Variants in PDSS2 observed in about 807,000 individuals in gnomAD.
PDSS2 encodes decaprenyl diphosphate synthase subunit 2.
A neutral mutation model predicts 44.5 loss-of-function variants in PDSS2; 31 were observed. The ratio of observed to expected loss-of-function variants is 0.70; its 90% CI spans 0.52 to 0.94. The LOEUF (loss-of-function observed/expected upper bound fraction) is 0.94, where lower values mean the gene tolerates loss of function less well. Among genes scored for constraint, PDSS2 ranks in the 40% least tolerant of loss-of-function variants. The probability of loss-of-function intolerance (pLI) is 0.00; values close to 1 mark genes in which losing one functional copy is unlikely to be tolerated. For synonymous variants in PDSS2, 157 were observed against 180.3 expected, an observed-to-expected ratio of 0.87 and a Z score of 1.03; for missense variants, 452 against 482.2, an observed-to-expected ratio of 0.94 and a Z score of 0.59.
chr6:107,214,443 C>A (rs191563499), intron 4 of PDSS2, among the ~76,000 whole-genome samples: 69 of 152,214 alleles, frequency 4.5e-4, no homozygotes, highest in African/African-American at 1.6e-3. Flanking sequence ...TTTATACTTA[C>A]AACACCTCAC....
At chr6:107,182,610 C>T (rs1162815210) in intron 7 of PDSS2, among the ~76,000 whole-genome samples, 1 of 152,192 alleles carries the variant, frequency 6.6e-6, no homozygotes, top group Non-Finnish European at 1.5e-5. Context: ...CAGGCATAAA[C>T]CACCACACCC....
At chr6:107,182,744 GA>G (rs1324178884) in intron 7 of PDSS2, among the ~76,000 whole-genome samples, 3 of 152,018 alleles carry the variant, frequency 2.0e-5, no homozygotes, top group African/African-American at 7.2e-5. Context: ...AAGGAGATAT[GA>G]AATCAAAGCA....
Position 107,315,633 on chromosome 6 carries a change from C to T in PDSS2, c.431+18565G>A, listed in dbSNP as rs912158906. Among the ~76,000 whole-genome samples the T allele has an allele frequency of 3.3e-5, 5 of 152,166 alleles. No homozygotes were observed. In the South Asian group the frequency reaches 8.3e-4, roughly 25 times the overall value. ...GAAAGAAAGAAAGCATATCTCTGTA[C>T]TTGAGAAGCTCATGGCCAGGTCAGT... On this transcript the variant is annotated intron_variant, in intron 2 of 7. Coordinates refer to ENST00000369037, the MANE Select transcript of PDSS2 (RefSeq NM_020381.4).
At chr6:107,299,389 A>C (rs1776622270) in intron 2 of PDSS2, among the ~76,000 whole-genome samples, 1 of 152,158 alleles carries the variant, frequency 6.6e-6, no homozygotes, top group African/African-American at 2.4e-5. Context: ...AAGTTAAAAA[A>C]TGTTTTTAAA....
chr6:107,369,199 C>T (rs1032846440), intron 1 of PDSS2, among the ~76,000 whole-genome samples: 4 of 152,132 alleles, frequency 2.6e-5, no homozygotes, highest in Non-Finnish European at 5.9e-5. Flanking sequence ...GTTGGCAGAT[C>T]ACGAGGTCAG....
chr6:107,183,998 T>TCAAAA (rs10601180), intron 7 of PDSS2, among the ~76,000 whole-genome samples: 81 of 151,350 alleles, frequency 5.4e-4, no homozygotes, highest in African/African-American at 1.7e-3. Context: ...AAACTCTGTC[T>TCAAAA]CAAAACAAAA....
rs1240709102 is a variant in PDSS2 at position 107,368,642 on chromosome 6, T to C, written c.297-34310A>G. Among the ~76,000 whole-genome samples, 4 of 151,942 alleles carry C rather than the reference T, an allele frequency of 2.6e-5. No individual in the cohort carries two copies. The East Asian group carries it at 5.8e-4, about 22-fold the overall frequency. On this transcript the variant is annotated intron_variant, in intron 1 of 7. Transcript: ENST00000369037. ...GGCAAGGCGGGAGGATTGTTTGAGC[T>C]TGGGAGTTCAAGACTAGCCTGGGCA...
chr6:107,333,077 C>G (rs1313427345), intron 2 of PDSS2, among the ~76,000 whole-genome samples: 19 of 151,982 alleles, frequency 1.3e-4, no homozygotes, highest in Non-Finnish European at 1.5e-5. Flanking sequence ...GACAAGACCA[C>G]TAGAAATAAA....
intron 7 of PDSS2, among the ~76,000 whole-genome samples, chr6:107,158,924 TCAC>T (rs1293975332): frequency 6.6e-6 from 1 of 151,976 alleles, no homozygotes; most frequent in Non-Finnish European, 1.5e-5. Flanking sequence ...AGACAGGGTT[TCAC>T]CACATTGGTC....
chr6:107,382,806 C>T (rs1253205440), intron 1 of PDSS2, among the ~76,000 whole-genome samples: 2 of 152,036 alleles, frequency 1.3e-5, no homozygotes, highest in African/African-American at 4.8e-5. Flanking sequence ...CACTGTACCC[C>T]ATCCTGAGTG....
At chr6:107,427,939 G>A (rs1333175240) in intron 1 of PDSS2, among the ~76,000 whole-genome samples, 1 of 152,214 alleles carries the variant, frequency 6.6e-6, no homozygotes, top group Non-Finnish European at 1.5e-5. Flanking sequence ...AGAGACAGCT[G>A]TTTCTGAGAG....
chr6:107,288,753 G>GTTTTT (rs35762837), intron 2 of PDSS2, among the ~76,000 whole-genome samples: 34 of 72,744 alleles, frequency 4.7e-4, no homozygotes, highest in African/African-American at 1.0e-3. Flanking sequence ...GGACGAAATT[G>GTTTTT]TTTTTTTTTT....
chr6:107,260,615 T>C (rs1775180494), intron 3 of PDSS2, among the ~76,000 whole-genome samples: 1 of 151,898 alleles, frequency 6.6e-6, no homozygotes, highest in Admixed American at 6.6e-5. Context: ...TCCCATTTCC[T>C]ACCTTCCAGA....
intron 1 of PDSS2, among the ~76,000 whole-genome samples, chr6:107,409,734 C>T (rs549250582): frequency 1.3e-5 from 2 of 152,194 alleles, no homozygotes; most frequent in Non-Finnish European, 2.9e-5. Flanking sequence ...CACTATCCTA[C>T]GAAATAGGTA....
intron 1 of PDSS2, among the ~76,000 whole-genome samples, chr6:107,405,942 T>A (rs567166016): frequency 6.6e-6 from 1 of 151,528 alleles, no homozygotes. Flanking sequence ...TTACTAGAAA[T>A]GGGTACAATG....
intron 1 of PDSS2, among the ~76,000 whole-genome samples, chr6:107,413,591 A>G (rs1780569201): frequency 6.6e-6 from 1 of 152,186 alleles, no homozygotes; most frequent in African/African-American, 2.4e-5. Context: ...CAGCCTCCCA[A>G]GTAGCTGGGA....
At chr6:107,372,522 A>G (rs980416714) in intron 1 of PDSS2, among the ~76,000 whole-genome samples, 1 of 151,998 alleles carries the variant, frequency 6.6e-6, no homozygotes, top group Non-Finnish European at 1.5e-5. Context: ...CGCGATCTCG[A>G]CTCACTGCAA....
intron 7 of PDSS2, among the ~76,000 whole-genome samples, chr6:107,184,795 G>A (rs1227528861): frequency 6.6e-6 from 1 of 151,534 alleles, no homozygotes; most frequent in Non-Finnish European, 1.5e-5. Context: ...ACATTTGACA[G>A]AGAACTGGAT....
intron 5 of PDSS2, among the ~76,000 whole-genome samples, chr6:107,211,366 A>G (rs951992759): frequency 3.9e-5 from 6 of 152,136 alleles, no homozygotes; most frequent in African/African-American, 7.2e-5. Flanking sequence ...ATTAGTTATT[A>G]AAATTAAAGC....
Sources: gnomAD v4.1 joint callset for allele counts (sites outside exome capture counted in the v4.1 genomes callset) on GRCh38, gnomAD v4.1.1 for gene constraint, MANE v1.5 for transcripts, NCBI Gene and HGNC (gene_info 2026-07-23, HGNC 2026-07-21) for gene names.